The following FAHD1 variants were observed in gnomAD, a reference collection of about 807,000 sequenced individuals.
FAHD1 encodes FAH domain containing oxaloacetate decarboxylase 1.
A neutral mutation model predicts 12.7 loss-of-function variants in FAHD1; 14 were observed. The ratio of observed to expected loss-of-function variants is 1.10; its 90% confidence interval spans 0.73 to 1.72. FAHD1 has a LOEUF of 1.72. FAHD1 is among the 40% of genes most tolerant of loss of function. The probability of loss-of-function intolerance (pLI) is 0.00; values close to 1 mark genes in which losing one functional copy is unlikely to be tolerated. For missense variants in FAHD1, 351 were observed against 298.9 expected, an observed-to-expected ratio of 1.17 and a Z score of -1.29; for synonymous variants, 153 against 124.9, an observed-to-expected ratio of 1.22 and a Z score of -1.50.
exon 1 of FAHD1, chr16:1,828,289 A>AG (rs1898551679): frequency 4.0e-6 from 4 of 1,003,434 alleles, no homozygotes; most frequent in Non-Finnish European, 4.8e-6. Context: ...AAAAAAAAAA[A>AG]AAAAGAAACC....
At chr16:1,839,055 A>C (rs1284232195) in intron 2 of FAHD1, among the ~76,000 whole-genome samples, 1 of 152,206 alleles carries the variant, frequency 6.6e-6, no homozygotes, top group African/African-American at 2.4e-5. Flanking sequence ...ATAATAGTAA[A>C]TATTAGCTAG....
downstream of FAHD1, among the ~76,000 whole-genome samples, chr16:1,829,506 C>A (rs574320800): frequency 6.6e-6 from 1 of 152,232 alleles, no homozygotes; most frequent in African/African-American, 2.4e-5. Context: ...AAGTTTTGAC[C>A]ACAATGCAGG....
At chr16:1,834,848 T>C (rs2142070242) in intron 1 of FAHD1, among the ~76,000 whole-genome samples, 1 of 152,170 alleles carries the variant, frequency 6.6e-6, no homozygotes, top group South Asian at 2.1e-4. Flanking sequence ...GGCAGGAGAA[T>C]CCCTTGAACC....
At chr16:1,832,321 C>T (rs1323868843), downstream of FAHD1, among the ~76,000 whole-genome samples, 1 of 149,454 alleles carries the variant, frequency 6.7e-6, no homozygotes, top group Non-Finnish European at 1.5e-5. Context: ...CAGGCGCCCT[C>T]CACCACACCC....
At chr16:1,830,665 A>G (rs760053143), downstream of FAHD1, among the ~76,000 whole-genome samples, 13 of 152,216 alleles carry the variant, frequency 8.5e-5, no homozygotes, top group Non-Finnish European at 1.8e-4. Flanking sequence ...AAAAACAGAG[A>G]CACCAAGTCC....
intron 1 of FAHD1, chr16:1,837,823 C>T: frequency 6.5e-7 from 1 of 1,541,028 alleles, no homozygotes; most frequent in African/African-American, 1.4e-5. Context: ...GAAATTGCCA[C>T]TTTAATGCTG....
chr16:1,835,823 C>T (rs964438788), intron 1 of FAHD1, among the ~76,000 whole-genome samples: 1 of 151,928 alleles, frequency 6.6e-6, no homozygotes, highest in African/African-American at 2.4e-5. Flanking sequence ...CAGCATTTTG[C>T]ATTGCCTGCC....
chr16:1,835,254 CTG>C (rs775047908), intron 1 of FAHD1, among the ~76,000 whole-genome samples: 4 of 149,374 alleles, frequency 2.7e-5, no homozygotes, highest in South Asian at 2.1e-4. Flanking sequence ...CAGAGTGAGA[CTG>C]TGTCTCAAAA....
downstream of FAHD1, among the ~76,000 whole-genome samples, chr16:1,830,675 C>G (rs866199107): frequency 6.6e-6 from 1 of 152,070 alleles, no homozygotes; most frequent in Non-Finnish European, 1.5e-5. Flanking sequence ...ACACCAAGTC[C>G]GACAATTCCT....
intron 2 of FAHD1, chr16:1,839,126 G>A: frequency 1.8e-6 from 2 of 1,107,678 alleles, no homozygotes; most frequent in Non-Finnish European, 2.5e-6. Flanking sequence ...AAAGCAAGAT[G>A]ATTTTTTCCC....
chr16:1,834,287 C>T (rs1898679698), intron 1 of FAHD1: 1 of 1,611,620 alleles, frequency 6.2e-7, no homozygotes, highest in East Asian at 2.2e-5. Context: ...CAAGTTTCTG[C>T]TTGCCTCAGT....
At chr16:1,830,072 A>C (rs1025703694), downstream of FAHD1, among the ~76,000 whole-genome samples, 17 of 152,242 alleles carry the variant, frequency 1.1e-4, no homozygotes, top group African/African-American at 4.1e-4. Flanking sequence ...CATGTTGGTC[A>C]AGCTGGTCTC....
intron 2 of FAHD1, chr16:1,839,200 G>T: frequency 1.4e-6 from 2 of 1,470,894 alleles, no homozygotes; most frequent in South Asian, 1.5e-5. Context: ...ATTTTTTTGG[G>T]AAAAAGCATT....
chr16:1,828,691 C>T, exon 1 of FAHD1: 1 of 918,396 alleles, frequency 1.1e-6, no homozygotes, highest in East Asian at 1.2e-4. Context: ...GGATTAATCT[C>T]CAGTGAAGCT....
At chr16:1,829,952 C>T (rs1898592798), downstream of FAHD1, among the ~76,000 whole-genome samples, 1 of 151,834 alleles carries the variant, frequency 6.6e-6, no homozygotes, top group South Asian at 2.1e-4. Context: ...CAACCTCTGC[C>T]TCCCAGGTTC....
At chr16:1,836,915 C>T (rs1321281519) in intron 1 of FAHD1, among the ~76,000 whole-genome samples, 10 of 152,054 alleles carry the variant, frequency 6.6e-5, no homozygotes, top group South Asian at 2.1e-4. Flanking sequence ...ACCACACAAA[C>T]GGGAGCACAT....
downstream of FAHD1, chr16:1,828,971 G>A (rs1269156884): frequency 1.0e-6 from 1 of 978,438 alleles, no homozygotes; most frequent in African/African-American, 1.8e-5. Flanking sequence ...TTTCCTCCTT[G>A]TGGGGCTTCA....
rs201214840 is a variant in FAHD1 at position 1,837,885 on chromosome 16, AAT to A, written c.628-128_628-127del. On this transcript the variant is annotated intron_variant, in intron 1 of 2. Coordinates refer to the FAHD1 transcript ENST00000382666. ...AACTCATGTACCTGGTTAAAAAAAA[AAT>A]ATGAGACAAATATATTTGAAGTTTA... The A allele has an allele frequency of 4.2e-3, 6,090 of 1,436,092 alleles. 22 individuals are homozygous for A. The highest frequency in any genetic ancestry group is 0.011 in the South Asian group (787 of 68,964). The allele number at this position is 1,436,092 out of a possible 1,614,324, so 89.0% of individuals were successfully genotyped here.
chr16:1,827,486 C>T (rs1898507600), exon 1 of FAHD1: 2 of 1,612,526 alleles, frequency 1.2e-6, no homozygotes, highest in Non-Finnish European at 1.7e-6. Context: ...CGCGCAGTCC[C>T]CGAGGCTGCG....
Sources: allele counts gnomAD v4.1 joint callset (sites outside exome capture counted in the v4.1 genomes callset), GRCh38; gene constraint gnomAD v4.1.1; transcripts MANE v1.5; gene names NCBI Gene and HGNC (gene_info 2026-07-23, HGNC 2026-07-21).